The following CHST11 variants were observed in gnomAD, a reference collection of about 807,000 sequenced individuals.
The protein encoded by CHST11 is C4S-1.
CHST11 carries 9 observed loss-of-function variants against 30.4 expected under a neutral mutation model. The observed-to-expected ratio is 0.30, with a 90% CI of 0.18 to 0.52. The LOEUF (loss-of-function observed/expected upper bound fraction) is 0.52, where lower values mean the gene tolerates loss of function less well. Among genes scored for constraint, CHST11 ranks in the 20% least tolerant of loss-of-function variants. The pLI is 0.97. For missense variants in CHST11, 348 were observed against 460.6 expected (o/e 0.76, Z 2.24); for synonymous variants, 152 against 187.8 (o/e 0.81, Z 1.56).
chr12:104,616,885 G>A (rs1226980177), intron 2 of CHST11, among the ~76,000 whole-genome samples: 1 of 152,160 alleles, frequency 6.6e-6, no homozygotes, highest in African/African-American at 2.4e-5. Context: ...AAGGACGAGT[G>A]GTCCCAGAGT....
intron 1 of CHST11, among the ~76,000 whole-genome samples, chr12:104,544,138 A>AAGAAAGAAAG (rs1555231338): frequency 1.4e-5 from 1 of 71,720 alleles, no homozygotes; most frequent in Non-Finnish European, 2.6e-5. Flanking sequence ...AAAAAAAAAA[A>AAGAAAGAAAG]AAAGAAAGAA....
chr12:104,475,688 A>ATATATATATATATATTTATT lies in CHST11; in HGVS notation c.118+18162_118+18163insATATATATATATTTATTTAT, dbSNP rs1555226434. On this transcript the variant is annotated intron_variant, in intron 1 of 2. Coordinates refer to ENST00000303694, the MANE Select transcript of CHST11 (RefSeq NM_018413.6). ...TATATATATATATATATATATATAT[A>ATATATATATATATATTTATT]TATTTCTGATTATGAAATTAATTCA... Among the ~76,000 whole-genome samples, 189 of 78,384 alleles carry ATATATATATATATATTTATT rather than the reference A, an allele frequency of 2.4e-3. 5 individuals carry two copies. The highest frequency in any genetic ancestry group is 3.8e-3 in the Non-Finnish European group (131 of 34,462). 51.4% of individuals were successfully genotyped at this position (78,384 alleles called of 152,430 possible).
chr12:104,686,625 T>A (rs2039848924), intron 2 of CHST11, among the ~76,000 whole-genome samples: 1 of 152,148 alleles, frequency 6.6e-6, no homozygotes, highest in African/African-American at 2.4e-5. Context: ...TTTGTTGTTG[T>A]TCTGGTTTAT....
intron 1 of CHST11, among the ~76,000 whole-genome samples, chr12:104,483,125 CT>C (rs1174680447): frequency 1.3e-5 from 2 of 152,190 alleles, no homozygotes; most frequent in Non-Finnish European, 1.5e-5. Context: ...CATGCTCACC[CT>C]TCACACCCCA....
chr12:104,558,984 T>C (rs940142856), intron 1 of CHST11, among the ~76,000 whole-genome samples: 6 of 151,706 alleles, frequency 4.0e-5, no homozygotes, highest in Admixed American at 2.6e-4. Context: ...GCATTCTCCA[T>C]TGGAGGTGGG....
intron 1 of CHST11, among the ~76,000 whole-genome samples, chr12:104,558,490 C>T (rs1023891636): frequency 2.0e-5 from 3 of 151,524 alleles, no homozygotes; most frequent in African/African-American, 7.3e-5. Flanking sequence ...CCAAAGTGTA[C>T]AGAATTAATT....
chr12:104,627,356 CA>C (rs971572791), intron 2 of CHST11, among the ~76,000 whole-genome samples: 3 of 152,062 alleles, frequency 2.0e-5, no homozygotes, highest in African/African-American at 7.2e-5. Context: ...GAGTAAATAC[CA>C]AGGAGAGTGA....
At chr12:104,513,974 C>T (rs912112628) in intron 1 of CHST11, 21 of 649,630 alleles carry the variant, frequency 3.2e-5, no homozygotes, top group African/African-American at 8.9e-5. Flanking sequence ...TAGAGCTGGG[C>T]GAGTGCTGTG....
rs574786504 is a variant in CHST11, at chr12:104,579,533, C to G, written c.119-22373C>G. Among the ~76,000 whole-genome samples the G allele has an allele frequency of 2.0e-5, 3 of 152,326 alleles. No homozygotes were observed. In the South Asian group the frequency reaches 6.2e-4, roughly 32 times the overall value. ...ATGTCGGAACAGACAATGAAACAGG[C>G]ATTCGTTATTATCATTCCCATGTCA... On this transcript the variant is annotated intron_variant, in intron 1 of 2. Coordinates refer to ENST00000303694, the MANE Select transcript of CHST11 (RefSeq NM_018413.6).
chr12:104,732,741 G>A (rs1265932017), intron 2 of CHST11, among the ~76,000 whole-genome samples: 1 of 152,126 alleles, frequency 6.6e-6, no homozygotes, highest in Non-Finnish European at 1.5e-5. Context: ...CCACACCCAG[G>A]TGCTCACATC....
At position 104,520,250 on chromosome 12, in the gene CHST11, G is replaced by A. The variant is rs957477087; in HGVS notation, c.118+62721G>A. 3.9e-5 allele frequency among the ~76,000 whole-genome samples: 6 copies of A among 152,294 alleles called. No homozygotes were observed. The East Asian group carries it at 1.2e-3, about 29-fold the overall frequency. On this transcript the variant is annotated intron_variant, in intron 1 of 2. Coordinates refer to ENST00000303694, the MANE Select transcript of CHST11 (RefSeq NM_018413.6). The stretch of plus-strand genomic sequence containing the variant: ...CTTTATCTGTCCAATGGGCCCAATG[G>A]CACCTGCTCTGCTCATCTCTCAGGA...
intron 1 of CHST11, among the ~76,000 whole-genome samples, chr12:104,595,144 G>A (rs1311235881): frequency 6.6e-6 from 1 of 152,096 alleles, no homozygotes; most frequent in Non-Finnish European, 1.5e-5. Context: ...GAGACAAGGA[G>A]TTTGTCCTAA....
chr12:104,734,943 G>A (rs912329451), intron 2 of CHST11, among the ~76,000 whole-genome samples: 2 of 152,220 alleles, frequency 1.3e-5, no homozygotes, highest in African/African-American at 4.8e-5. Flanking sequence ...AACCCTGCCA[G>A]GCACCACATG....
At chr12:104,648,921 C>T (rs1224533185) in intron 2 of CHST11, among the ~76,000 whole-genome samples, 4 of 152,194 alleles carry the variant, frequency 2.6e-5, no homozygotes, top group Admixed American at 6.5e-5. Flanking sequence ...CCTGAAGAGC[C>T]GGGGTGACAG....
chr12:104,646,290 C>G (rs1159729338), intron 2 of CHST11, among the ~76,000 whole-genome samples: 1 of 152,172 alleles, frequency 6.6e-6, no homozygotes, highest in African/African-American at 2.4e-5. Flanking sequence ...TGGCAGTGTT[C>G]CTCCTCTCAC....
intron 2 of CHST11, among the ~76,000 whole-genome samples, chr12:104,615,888 A>G (rs1234025834): frequency 6.6e-6 from 1 of 152,166 alleles, no homozygotes; most frequent in Non-Finnish European, 1.5e-5. Context: ...AGATCACACC[A>G]CTGCACTGCA....
In CHST11 at chr12:104,736,371, G is replaced by A. The variant is rs144564932; in HGVS notation, c.205-20578G>A. 8.5e-3 allele frequency among the ~76,000 whole-genome samples: 1,291 copies of A among 152,294 alleles called. 14 individuals are homozygous for A. The highest frequency in any genetic ancestry group is 0.014 in the Non-Finnish European group (970 of 68,022). ...GAAGGTTGGGGAGGGCCATTTTGTA[G>A]AGGGTGATGATAAGAAAAAGACCAG... is the stretch of plus-strand genomic sequence containing the variant. On this transcript the variant is annotated intron_variant, in intron 2 of 2. Transcript: ENST00000303694.
intron 1 of CHST11, among the ~76,000 whole-genome samples, chr12:104,588,429 A>G (rs2038826132): frequency 6.6e-6 from 1 of 152,210 alleles, no homozygotes. Context: ...CAGCCTCAGA[A>G]GGCTGAAGCT....
At position 104,670,122 on chromosome 12, in the gene CHST11, G is replaced by A. The variant is rs373951665; in HGVS notation, c.204+68131G>A. 2.8e-4 allele frequency among the ~76,000 whole-genome samples: 43 copies of A among 152,330 alleles called. No individual in the cohort carries two copies. In the South Asian group the frequency reaches 7.2e-3, roughly 26 times the overall value. ...GTCAGAAGAATCTGGACTCCACACC[G>A]CCTGCTGCAGGGCCTGCTGGCCTCA... On this transcript the variant is annotated intron_variant, in intron 2 of 2. Coordinates refer to ENST00000303694, the MANE Select transcript of CHST11 (RefSeq NM_018413.6).
Sources: gnomAD v4.1 joint callset for allele counts (sites outside exome capture counted in the v4.1 genomes callset) on GRCh38, gnomAD v4.1.1 for gene constraint, MANE v1.5 for transcripts, NCBI Gene and HGNC (gene_info 2026-07-23, HGNC 2026-07-21) for gene names.